Variants in LIMK2 observed in about 807,000 individuals in gnomAD.
LIMK2 encodes LIM domain kinase 2.
Under a neutral mutation model 75.7 loss-of-function variants are expected in LIMK2, and 35 were observed. The observed-to-expected ratio is 0.46, with a 90% CI of 0.35 to 0.61. The LOEUF is 0.61. Ranked by LOEUF, LIMK2 falls within the 20% of genes least tolerant of loss-of-function variation. LIMK2 has a pLI of 0.00. For synonymous variants in LIMK2, 301 were observed against 319.2 expected (o/e 0.94, Z 0.61); for missense variants, 623 against 831.0 (o/e 0.75, Z 3.08).
At chr22:31,218,492 GGTT>G (rs2048406132) in intron 1 of LIMK2, among the ~76,000 whole-genome samples, 1 of 152,110 alleles carries the variant, frequency 6.6e-6, no homozygotes, top group Non-Finnish European at 1.5e-5. Flanking sequence ...AACAATCCAA[GGTT>G]TAGAGAAGCT....
intron 2 of LIMK2, among the ~76,000 whole-genome samples, chr22:31,254,214 A>G (rs1412386983): frequency 6.6e-6 from 1 of 152,224 alleles, no homozygotes; most frequent in African/African-American, 2.4e-5. Context: ...TACTTGCAGC[A>G]AACAAAAGCA....
intron 15 of LIMK2, among the ~76,000 whole-genome samples, chr22:31,276,581 G>C (rs1185949666): frequency 3.4e-5 from 5 of 145,614 alleles, no homozygotes; most frequent in African/African-American, 1.2e-4. Flanking sequence ...CGCCCCCGCC[G>C]CCGCCCTCGC....
At chr22:31,267,677 C>T in intron 9 of LIMK2, 99 bp from the exon 10 acceptor site, 1 of 1,307,206 alleles carries the variant, frequency 7.6e-7, no homozygotes, top group Non-Finnish European at 1.0e-6. Context: ...GTAGGAGATA[C>T]AGGTGGTAAC....
chr22:31,245,861 C>A (rs2048663105), intron 2 of LIMK2, among the ~76,000 whole-genome samples: 1 of 151,756 alleles, frequency 6.6e-6, no homozygotes, highest in African/African-American at 2.4e-5. Flanking sequence ...GAGACCCTGT[C>A]TCTACAAAAA....
chr22:31,248,461 G>A, intron 2 of LIMK2: 1 of 1,492,448 alleles, frequency 6.7e-7, no homozygotes, highest in Non-Finnish European at 8.9e-7. Context: ...GGAGTCCAGA[G>A]GGGCCGCCTG....
intron 11 of LIMK2, among the ~76,000 whole-genome samples, chr22:31,270,421 C>T (rs2048943961): frequency 6.6e-6 from 1 of 152,166 alleles, no homozygotes; most frequent in Non-Finnish European, 1.5e-5. Context: ...TCAGGAAGAG[C>T]TCCCTGGGTG....
chr22:31,276,851 G>A (rs550053263), intron 15 of LIMK2: 2 of 1,612,078 alleles, frequency 1.2e-6, no homozygotes, highest in East Asian at 2.2e-5. Flanking sequence ...CCAGTGAGGC[G>A]CCAAGGGAAG....
At chr22:31,275,344 T>A (rs547785233) in intron 15 of LIMK2, 36 bp downstream of exon 15, 1 of 1,610,588 alleles carries the variant, frequency 6.2e-7, no homozygotes, top group Non-Finnish European at 8.5e-7. Context: ...GCTCACAGGG[T>A]CCTGGGACGT....
chr22:31,265,130 G>C (rs1260672359), intron 7 of LIMK2, among the ~76,000 whole-genome samples: 1 of 144,840 alleles, frequency 6.9e-6, no homozygotes. Context: ...GGAGGCAGAG[G>C]TTGCAGTGAG....
chr22:31,258,626 G>A (rs879610597), intron 3 of LIMK2, 200 bp downstream of exon 3: 1 of 563,016 alleles, frequency 1.8e-6, no homozygotes, highest in Non-Finnish European at 3.1e-6. Flanking sequence ...AGACTTAATA[G>A]TTGAACGTTG....
chr22:31,246,179 G>GCATGCACACACACACA (rs2048666759), intron 2 of LIMK2, among the ~76,000 whole-genome samples: 1 of 69,774 alleles, frequency 1.4e-5, no homozygotes, highest in Non-Finnish European at 3.1e-5. Flanking sequence ...ACACACGCAC[G>GCATGCACACACACACA]CACGCACACA....
At chr22:31,254,235 AATG>A (rs1436120146) in intron 2 of LIMK2, among the ~76,000 whole-genome samples, 3 of 152,206 alleles carry the variant, frequency 2.0e-5, no homozygotes, top group Non-Finnish European at 4.4e-5. Context: ...GGATATTGGC[AATG>A]GAAAGGAGGG....
intron 1 of LIMK2, among the ~76,000 whole-genome samples, chr22:31,216,817 G>A (rs548296618): frequency 6.6e-6 from 1 of 152,290 alleles, no homozygotes; most frequent in East Asian, 1.9e-4. Context: ...GTAACCTTGA[G>A]CGGGTCTGAT....
intron 1 of LIMK2, among the ~76,000 whole-genome samples, chr22:31,217,287 A>C (rs2048396212): frequency 6.6e-6 from 1 of 151,912 alleles, no homozygotes; most frequent in Non-Finnish European, 1.5e-5. Flanking sequence ...AATCCCAGCT[A>C]CTCGGGAGGC....
intron 1 of LIMK2, among the ~76,000 whole-genome samples, chr22:31,219,819 G>A (rs544548682): frequency 1.3e-5 from 2 of 152,218 alleles, no homozygotes; most frequent in South Asian, 2.1e-4. Flanking sequence ...TGATCCACCC[G>A]CCTCGGCCTC....
At chr22:31,217,614 A>G (rs950554979) in intron 1 of LIMK2, among the ~76,000 whole-genome samples, 113 of 152,180 alleles carry the variant, frequency 7.4e-4, no homozygotes, top group African/African-American at 2.7e-3. Flanking sequence ...TTTTTCCTCT[A>G]TCATTGACAA....
At chr22:31,232,961 A>G (rs1257222834) in intron 2 of LIMK2, among the ~76,000 whole-genome samples, 2 of 152,154 alleles carry the variant, frequency 1.3e-5, no homozygotes, top group Non-Finnish European at 2.9e-5. Context: ...ATTCCTAACC[A>G]TGGGCTCCAG....
At chr22:31,248,153 C>T (rs1170339815) in intron 2 of LIMK2, among the ~76,000 whole-genome samples, 3 of 152,066 alleles carry the variant, frequency 2.0e-5, no homozygotes, top group Non-Finnish European at 4.4e-5. Flanking sequence ...CTGCCTTGCC[C>T]TTCCCTGAGC....
At chr22:31,270,716 C>G (rs1286844852) in intron 11 of LIMK2, among the ~76,000 whole-genome samples, 3 of 152,232 alleles carry the variant, frequency 2.0e-5, no homozygotes, top group African/African-American at 4.8e-5. Flanking sequence ...AGTCACTTCT[C>G]TGTTGCAGGC....
Sources: allele counts gnomAD v4.1 joint callset (sites outside exome capture counted in the v4.1 genomes callset), GRCh38; gene constraint gnomAD v4.1.1; transcripts MANE v1.5; gene names NCBI Gene and HGNC (gene_info 2026-07-23, HGNC 2026-07-21).